The following GREM2 variants were observed in gnomAD, a reference collection of about 807,000 sequenced individuals.
GREM2 encodes the protein gremlin 2, DAN family BMP antagonist.
In GREM2, 11 loss-of-function variants were observed where a neutral mutation model predicts 14.2. The ratio of observed to expected loss-of-function variants is 0.78; its 90% confidence interval spans 0.49 to 1.28. The LOEUF is 1.28. Ranked by LOEUF, GREM2 falls within the 50% of genes most tolerant of loss-of-function variation. The probability of loss-of-function intolerance (pLI) is 0.00; values close to 1 mark genes in which losing one functional copy is unlikely to be tolerated. For missense variants in GREM2, 210 were observed against 218.5 expected, an observed-to-expected ratio of 0.96 and a Z score of 0.24; for synonymous variants, 98 against 97.6, an observed-to-expected ratio of 1.00 and a Z score of -0.02.
At chr1:240,582,652 C>G (rs556191201) in intron 1 of GREM2, among the ~76,000 whole-genome samples, 4 of 151,944 alleles carry the variant, frequency 2.6e-5, no homozygotes, top group Admixed American at 2.6e-4. Context: ...CAAAAATTAG[C>G]TGTGCGTGGT....
chr1:240,498,339 T>C (rs1010392459), intron 1 of GREM2, among the ~76,000 whole-genome samples: 8 of 152,190 alleles, frequency 5.3e-5, no homozygotes, highest in Non-Finnish European at 1.2e-4. Flanking sequence ...TCTTCTCTTT[T>C]TCCTTTCCTA....
At chr1:240,551,487 T>C (rs1335632907) in intron 1 of GREM2, among the ~76,000 whole-genome samples, 1 of 152,198 alleles carries the variant, frequency 6.6e-6, no homozygotes, top group Non-Finnish European at 1.5e-5. Flanking sequence ...TAGCTGGGAC[T>C]ACAGGCACAT....
chr1:240,582,647 A>G (rs2103378932), intron 1 of GREM2, among the ~76,000 whole-genome samples: 1 of 151,984 alleles, frequency 6.6e-6, no homozygotes, highest in East Asian at 1.9e-4. Context: ...AATACCAAAA[A>G]TTAGCTGTGC....
intron 1 of GREM2, among the ~76,000 whole-genome samples, chr1:240,528,215 A>C (rs888052842): frequency 1.3e-5 from 2 of 152,184 alleles, no homozygotes; most frequent in African/African-American, 4.8e-5. Context: ...TTGAGTATCA[A>C]ATTTTACTCT....
In GREM2 at chr1:240,493,354, T is replaced by C. The variant is rs766347976; in HGVS notation, c.122A>G (p.Asn41Ser). Residue 41 changes from asparagine (N) to serine (S), a missense_variant, in exon 2 of 2, where the codon AAC (asparagine) becomes AGC (serine). Physicochemically the swap from Asn to Ser is conservative, Grantham distance 46. Coordinates refer to ENST00000318160, the MANE Select transcript of GREM2 (RefSeq NM_022469.4). ...PSPYKDGSSN[N>S]SERWQHQIKE... is the part of the protein sequence containing the mutation. ...GATCTGGTGCTGCCATCTCTCCGAG[T>C]TGTTGCTGCTGCCGTCCTTGTAAGG... 36 of 1,613,818 alleles carry C rather than the reference T, an allele frequency of 2.2e-5. No individual in the cohort carries two copies. The South Asian group carries it at 2.5e-4, about 11-fold the overall frequency.
rs189680432 is a variant in GREM2, at chr1:240,512,994, G to A, written c.-1-19518C>T. On this transcript the variant is annotated intron_variant, in intron 1 of 1. Coordinates refer to ENST00000318160, the MANE Select transcript of GREM2 (RefSeq NM_022469.4). Reference sequence around the variant, plus strand: ...CTAGGAATACAGCAGATATGATCCTGTCTTTCCTAGAATTTACATTCTAGA... The same window carrying A: ...CTAGGAATACAGCAGATATGATCCTATCTTTCCTAGAATTTACATTCTAGA... Among the ~76,000 whole-genome samples the A allele has an allele frequency of 3.5e-3, 540 of 152,242 alleles. 3 individuals carry two copies. Among genetic ancestry groups the A allele is most frequent in the Non-Finnish European group, 4.3e-3 (293 of 68,022 alleles).
intron 1 of GREM2, among the ~76,000 whole-genome samples, chr1:240,556,095 C>A (rs1678948953): frequency 6.6e-6 from 1 of 152,184 alleles, no homozygotes; most frequent in African/African-American, 2.4e-5. Context: ...TATTATCAAA[C>A]TCCATTTCTC....
intron 1 of GREM2, among the ~76,000 whole-genome samples, chr1:240,548,357 A>G (rs1678779452): frequency 6.6e-6 from 1 of 152,106 alleles, no homozygotes; most frequent in African/African-American, 2.4e-5. Flanking sequence ...ACAAGACTCT[A>G]AAATTTTCTT....
chr1:240,606,449 C>T lies in GREM2; in HGVS notation c.-2+5435G>A, dbSNP rs148968572. ...AGGCCAAAACAATGCCATAGATTTT[C>T]GGAGGATCCTGGTTATAATACCCAA... is the stretch of plus-strand genomic sequence containing the variant. On this transcript the variant is annotated intron_variant, in intron 1 of 1. Coordinates refer to ENST00000318160, the MANE Select transcript of GREM2 (RefSeq NM_022469.4). 4.4e-3 allele frequency among the ~76,000 whole-genome samples: 677 copies of T among 152,262 alleles called. 4 individuals carry two copies. The highest frequency in any genetic ancestry group is 6.7e-3 in the Non-Finnish European group (458 of 68,022).
chr1:240,562,498 C>T (rs930749464), intron 1 of GREM2, among the ~76,000 whole-genome samples: 1 of 152,186 alleles, frequency 6.6e-6, no homozygotes, highest in Non-Finnish European at 1.5e-5. Flanking sequence ...AAACCTAATC[C>T]TCCAGGGGCT....
Position 240,540,967 on chromosome 1 carries a change from T to G in GREM2, c.-1-47491A>C, listed in dbSNP as rs1243258425. On this transcript the variant is annotated intron_variant, in intron 1 of 1. Transcript: ENST00000318160. The surrounding 1 kb of genome is among the most constrained non-coding windows in gnomAD (Gnocchi z 4.2). ...GACCAGAAGTCTCCTGTGTTTGTTC[T>G]GCTTTTGTGGCACCTTCCTAGTTTG... Among the ~76,000 whole-genome samples, 1 of 152,212 alleles carries G rather than the reference T, an allele frequency of 6.6e-6. No homozygotes were observed. Among genetic ancestry groups the G allele is most frequent in the African/African-American group, 2.4e-5 (1 of 41,452 alleles).
chr1:240,509,827 T>G (rs1211921252), intron 1 of GREM2, among the ~76,000 whole-genome samples: 1 of 152,180 alleles, frequency 6.6e-6, no homozygotes, highest in African/African-American at 2.4e-5. Context: ...GAAGGAATTC[T>G]GCATATTCAA....
At chr1:240,605,426 G>A (rs1259717273) in intron 1 of GREM2, among the ~76,000 whole-genome samples, 2 of 152,024 alleles carry the variant, frequency 1.3e-5, no homozygotes, top group African/African-American at 2.4e-5. Context: ...GCAGTGAGTC[G>A]AGATCATGCC....
chr1:240,518,752 G>A lies in GREM2; in HGVS notation c.-1-25276C>T, dbSNP rs990111595. 1.4e-4 allele frequency among the ~76,000 whole-genome samples: 22 copies of A among 152,288 alleles called. No individual in the cohort carries two copies. In the East Asian group the frequency reaches 4.2e-3, roughly 29 times the overall value. On this transcript the variant is annotated intron_variant, in intron 1 of 1. Transcript: ENST00000318160. ...ATTTCACTCTGCTCCTACTTCAAAA[G>A]TTATGCCATTGGTCAAAAGAGGCTT... is the stretch of plus-strand genomic sequence containing the variant.
rs1480871796 is a variant in GREM2 at position 240,540,680 on chromosome 1, A to C, written c.-1-47204T>G. Among the ~76,000 whole-genome samples, 1 of 151,744 alleles carries C rather than the reference A, an allele frequency of 6.6e-6. No homozygotes were observed. The highest frequency in any genetic ancestry group is 1.5e-5 in the Non-Finnish European group (1 of 67,974). On this transcript the variant is annotated intron_variant, in intron 1 of 1. Coordinates refer to ENST00000318160, the MANE Select transcript of GREM2 (RefSeq NM_022469.4). The surrounding 1 kb of genome is among the most constrained non-coding windows in gnomAD (Gnocchi z 4.2). The stretch of plus-strand genomic sequence containing the variant: ...TGGGTTCAAGAGATTCTCCTGCCTC[A>C]GCCTCCTGAGTAGCTGGGACTACAG...
chr1:240,568,836 C>T (rs1262601085), intron 1 of GREM2, among the ~76,000 whole-genome samples: 1 of 152,032 alleles, frequency 6.6e-6, no homozygotes, highest in African/African-American at 2.4e-5. Flanking sequence ...GATAAAAGGT[C>T]AATATATAAA....
chr1:240,549,947 A>G (rs1256863679), intron 1 of GREM2: 2 of 152,434 alleles, frequency 1.3e-5, no homozygotes, highest in East Asian at 3.9e-4. Flanking sequence ...AGGAGTAGAA[A>G]GGATGGAGGA....
At chr1:240,590,943 G>A (rs546080422) in intron 1 of GREM2, among the ~76,000 whole-genome samples, 6 of 151,594 alleles carry the variant, frequency 4.0e-5, no homozygotes, top group South Asian at 2.1e-4. Context: ...CTCCATGCCC[G>A]GCTAATTTTT....
chr1:240,529,061 G>A (rs746152680), intron 1 of GREM2, among the ~76,000 whole-genome samples: 4 of 152,116 alleles, frequency 2.6e-5, no homozygotes, highest in Non-Finnish European at 5.9e-5. Context: ...ATGCTCACAC[G>A]AACCTTCTAG....
Sources: gnomAD v4.1 joint callset for allele counts (sites outside exome capture counted in the v4.1 genomes callset) on GRCh38, gnomAD v4.1.1 for gene constraint, Gnocchi (gnomAD v3.1) non-coding constraint, MANE v1.5 for transcripts, NCBI Gene and HGNC (gene_info 2026-07-23, HGNC 2026-07-21) for gene names.